LRP5: variants seen among roughly 807,000 people sequenced by gnomAD.
The protein encoded by LRP5 is low-density lipoprotein receptor-related protein 5.
Under a neutral mutation model 154.1 loss-of-function variants are expected in LRP5, and 62 were observed. The observed-to-expected ratio is 0.40, with a 90% CI of 0.33 to 0.50. The LOEUF (loss-of-function observed/expected upper bound fraction) is 0.50. Among genes scored for constraint, LRP5 ranks in the 20% least tolerant of loss-of-function variants. LRP5 has a pLI of 0.55. For missense variants in LRP5, 1,915 were observed against 2,336.7 expected (o/e 0.82, Z 3.72); for synonymous variants, 966 against 1,011.5 (o/e 0.96, Z 0.85).
intron 2 of LRP5, among the ~76,000 whole-genome samples, chr11:68,349,312 C>T (rs1465133596): frequency 6.6e-6 from 1 of 152,050 alleles, no homozygotes; most frequent in Non-Finnish European, 1.5e-5. Context: ...GGATTACAGA[C>T]GTGAACCACC....
chr11:68,386,629 G>T lies in LRP5; in HGVS notation c.1329G>T (p.Thr443=). ...TDTGTDRIEV[T]RLNGTSRKIL... ...CGGGCACGGACCGCATCGAGGTGAC[G>T]CGCCTCAACGGCACCTCCCGCAAGA... is the stretch of plus-strand genomic sequence containing the variant. The change falls in exon 6 of 23, where the codon ACG becomes ACT. Residue 443 remains threonine, a synonymous_variant. Coordinates refer to ENST00000294304, the MANE Select transcript of LRP5 (RefSeq NM_002335.4). The surrounding 1 kb of genome is among the most constrained non-coding windows in gnomAD (Gnocchi z 7.9). The T allele has an allele frequency of 6.2e-7, 1 of 1,613,616 alleles. No homozygotes were observed. Among genetic ancestry groups the T allele is most frequent in the East Asian group, 2.2e-5 (1 of 44,870 alleles).
intron 6 of LRP5, among the ~76,000 whole-genome samples, chr11:68,388,882 C>T (rs1361074966): frequency 6.6e-6 from 1 of 152,214 alleles, no homozygotes; most frequent in South Asian, 2.1e-4. Context: ...CTGGGCTTGC[C>T]GCTGGCATGC....
At chr11:68,417,448 G>GTTTTT (rs1565095730) in intron 13 of LRP5, among the ~76,000 whole-genome samples, 2 of 40,382 alleles carry the variant, frequency 5.0e-5, no homozygotes, top group African/African-American at 1.5e-4. Context: ...GAACAGATTG[G>GTTTTT]CTTTTTTTTT....
intron 5 of LRP5, among the ~76,000 whole-genome samples, chr11:68,382,893 T>C (rs2098641043): frequency 6.6e-6 from 1 of 151,998 alleles, no homozygotes. Flanking sequence ...TTTTTTTTTT[T>C]TCGAGACAAA....
At chr11:68,341,461 C>T (rs1283141184) in intron 1 of LRP5, among the ~76,000 whole-genome samples, 2 of 152,104 alleles carry the variant, frequency 1.3e-5, no homozygotes, top group Admixed American at 6.5e-5. Context: ...TCTCAAATTA[C>T]GCTGCCCAGA....
In LRP5 at chr11:68,377,868, CTCAGCTTTCCCCGGA is replaced by C. The variant is rs1473054838; in HGVS notation, c.1016-8445_1016-8431del. On this transcript the variant is annotated intron_variant, in intron 5 of 22. Transcript: ENST00000294304. ...CCCTGGATCTCAGCTTTCCCCGGAT[CTCAGCTTTCCCCGGA>C]TCTCAGCTTTCTGCTACCCGTGTGA... Among the ~76,000 whole-genome samples the C allele has an allele frequency of 2.8e-3, 430 of 151,502 alleles. 3 individuals are homozygous for C. Among genetic ancestry groups the C allele is most frequent in the African/African-American group, 9.9e-3 (408 of 41,300 alleles).
intron 1 of LRP5, among the ~76,000 whole-genome samples, chr11:68,330,547 G>A (rs2098602177): frequency 6.6e-6 from 1 of 152,256 alleles, no homozygotes; most frequent in Non-Finnish European, 1.5e-5. Flanking sequence ...GCTCCATGGG[G>A]TTCTGGGTCT....
chr11:68,425,819 G>C (rs1314773754), intron 15 of LRP5, among the ~76,000 whole-genome samples, 159 bp from the exon 16 acceptor site: 2 of 152,074 alleles, frequency 1.3e-5, no homozygotes, highest in Non-Finnish European at 2.9e-5. Context: ...TCTTGGGTCG[G>C]CCTGCTTCCA....
At position 68,447,646 on chromosome 11, in the gene LRP5, G is replaced by A. The variant is rs374079302; in HGVS notation, c.4586+1113G>A. ...GCCCGTCCTGCTCTGGGCCCACCGC[G>A]GACACATCTTCCCCCCGCCCGCCGT... is the stretch of plus-strand genomic sequence containing the variant. On this transcript the variant is annotated intron_variant, in intron 22 of 22. Transcript: ENST00000294304. This position sits in a 1 kb window ranked among gnomAD's most constrained non-coding sequence, Gnocchi z 4.3. Among the ~76,000 whole-genome samples the A allele has an allele frequency of 1.3e-5, 2 of 152,050 alleles. No homozygotes were observed. The highest frequency in any genetic ancestry group is 2.9e-5 in the Non-Finnish European group (2 of 68,018).
In LRP5 at chr11:68,353,419, T is replaced by A. The variant is rs73513030; in HGVS notation, c.489-4231T>A. Among the ~76,000 whole-genome samples the A allele has an allele frequency of 0.024, 3,704 of 152,174 alleles. 143 individuals carry two copies. The highest frequency in any genetic ancestry group is 0.084 in the African/African-American group (3,475 of 41,434). On this transcript the variant is annotated intron_variant, in intron 2 of 22. Coordinates refer to ENST00000294304, the MANE Select transcript of LRP5 (RefSeq NM_002335.4). The surrounding 1 kb of genome is among the most constrained non-coding windows in gnomAD (Gnocchi z 4.5). Reference sequence around the variant, plus strand: ...CCCTGAGGTGCTGACTCTGTCCCTGTAGGCTCCATGTCTCCGGAGAGGGAG... The same window carrying A: ...CCCTGAGGTGCTGACTCTGTCCCTGAAGGCTCCATGTCTCCGGAGAGGGAG...
chr11:68,390,396 G>A (rs1238563067), intron 7 of LRP5, among the ~76,000 whole-genome samples: 1 of 152,226 alleles, frequency 6.6e-6, no homozygotes, highest in Non-Finnish European at 1.5e-5. Context: ...CTTACTGTGA[G>A]ATTTAAATTA....
chr11:68,403,978 C>T (rs1565080556), intron 8 of LRP5: 8 of 540,534 alleles, frequency 1.5e-5, no homozygotes, highest in South Asian at 6.2e-5. Flanking sequence ...CGGGAGCCTT[C>T]GTGCCCACAG....
chr11:68,302,215 T>A, the LRP5 span, among the ~76,000 whole-genome samples: 1 of 151,488 alleles, frequency 6.6e-6, no homozygotes, highest in Non-Finnish European at 1.5e-5. Flanking sequence ...GGCGTGGTGG[T>A]GCCACCTGTA....
intron 1 of LRP5, among the ~76,000 whole-genome samples, chr11:68,325,347 G>T (rs1235572956): frequency 6.6e-6 from 1 of 152,180 alleles, no homozygotes; most frequent in African/African-American, 2.4e-5. Flanking sequence ...TGAGGCCCTT[G>T]AGCTAGAGGG....
chr11:68,348,031 G>T lies in LRP5; in HGVS notation c.276G>T (p.Leu92=). The change falls in exon 2 of 23, where the codon CTG becomes CTT. Residue 92 remains leucine (L), a synonymous_variant. Transcript: ENST00000294304. The part of the protein sequence containing the change: ...VSEEAIKQTY[L]NQTGAAVQNV... ...AGGAGGCCATCAAGCAGACCTACCT[G>T]AACCAGACGGGGGCCGCCGTGCAGA... The T allele has an allele frequency of 1.9e-6, 3 of 1,614,134 alleles. No homozygotes were observed. The highest frequency in any genetic ancestry group is 2.5e-6 in the Non-Finnish European group (3 of 1,180,036).
At chr11:68,445,592 T>C (rs753711010) in intron 21 of LRP5, 6 of 1,316,674 alleles carry the variant, frequency 4.6e-6, no homozygotes, top group South Asian at 2.5e-5. Flanking sequence ...TCTGGCTGTA[T>C]GCTTTCCAGG....
chr11:68,445,933 C>T (rs1380643758), intron 21 of LRP5, among the ~76,000 whole-genome samples: 1 of 152,224 alleles, frequency 6.6e-6, no homozygotes, highest in African/African-American at 2.4e-5. Flanking sequence ...GACGCAGAGC[C>T]CCTGAGTGTT....
the LRP5 span, among the ~76,000 whole-genome samples, chr11:68,302,257 G>C: frequency 1.9e-3 from 288 of 150,124 alleles, 1 homozygote; most frequent in African/African-American, 6.9e-3. Flanking sequence ...GAGGCAGGGG[G>C]ATCACTTGAA....
chr11:68,398,632 A>G (rs1254945904), intron 7 of LRP5, among the ~76,000 whole-genome samples: 3 of 151,124 alleles, frequency 2.0e-5, no homozygotes, highest in Non-Finnish European at 4.4e-5. Flanking sequence ...TGGGTTTTAC[A>G]TTTTTTAATT....
Sources: gnomAD v4.1 joint callset for allele counts (sites outside exome capture counted in the v4.1 genomes callset) on GRCh38, gnomAD v4.1.1 for gene constraint, Gnocchi (gnomAD v3.1) non-coding constraint, MANE v1.5 for transcripts, NCBI Gene and HGNC (gene_info 2026-07-23, HGNC 2026-07-21) for gene names.